The following NEDD4L variants were observed in gnomAD, a reference collection of about 807,000 sequenced individuals.
NEDD4L encodes NEDD4 like E3 ubiquitin protein ligase.
A neutral mutation model predicts 148.9 loss-of-function variants in NEDD4L; 54 were observed. That is an observed-to-expected ratio of 0.36 (90% CI 0.29 to 0.45). NEDD4L has a LOEUF of 0.45. Ranked by LOEUF, NEDD4L falls within the 20% of genes least tolerant of loss-of-function variation. The pLI is 1.00. For synonymous variants in NEDD4L, 433 were observed against 440.7 expected (o/e 0.98, Z 0.22); for missense variants, 856 against 1,233.8 (o/e 0.69, Z 4.59).
chr18:58,047,735 T>C (rs2081652907), intron 1 of NEDD4L, among the ~76,000 whole-genome samples: 1 of 152,160 alleles, frequency 6.6e-6, no homozygotes, highest in African/African-American at 2.4e-5. Context: ...CAAGATCAGA[T>C]TTGGTTTGGA....
intron 30 of NEDD4L, among the ~76,000 whole-genome samples, 186 bp downstream of exon 30, chr18:58,391,745 T>C (rs1014531743): frequency 2.0e-5 from 3 of 152,232 alleles, no homozygotes; most frequent in African/African-American, 7.2e-5. Context: ...GCACTCAGTA[T>C]GTTTGGCACA....
At chr18:58,104,738 G>A (rs2084962565) in intron 1 of NEDD4L, among the ~76,000 whole-genome samples, 1 of 152,084 alleles carries the variant, frequency 6.6e-6, no homozygotes, top group African/African-American at 2.4e-5. Context: ...CAGAACAATT[G>A]CATTTTTTCC....
At chr18:58,149,235 A>G (rs2034418661) in intron 1 of NEDD4L, 2 of 330,672 alleles carry the variant, frequency 6.0e-6, no homozygotes, top group Non-Finnish European at 1.1e-5. Flanking sequence ...CATTTCCTGA[A>G]GAGGTAACTT....
chr18:58,328,992 C>T lies in NEDD4L; in HGVS notation c.681-3C>T, dbSNP rs1307330016. ...TCTCTTTCCCCCTTTCCTGCATGCT[C>T]AGGGACGTGTCCTCGGAGTCGGACA... On this transcript the variant is annotated splice_polypyrimidine_tract_variant and splice_region_variant and intron_variant, in intron 9 of 30. Coordinates refer to ENST00000400345, the MANE Select transcript of NEDD4L (RefSeq NM_001144967.3). The T allele has an allele frequency of 5.6e-6, 9 of 1,613,964 alleles. No homozygotes were observed. Among genetic ancestry groups the T allele is most frequent in the Admixed American group, 1.7e-5 (1 of 60,036 alleles).
At chr18:58,263,103 C>A (rs1027302340) in intron 5 of NEDD4L, among the ~76,000 whole-genome samples, 2 of 152,206 alleles carry the variant, frequency 1.3e-5, no homozygotes, top group African/African-American at 4.8e-5. Flanking sequence ...GCCCTCCTAT[C>A]TCTGATTTGA....
chr18:58,396,496 A>C lies in NEDD4L; in HGVS notation c.*227A>C. On this transcript the variant is annotated 3_prime_UTR_variant, in exon 31 of 31. Coordinates refer to ENST00000400345, the MANE Select transcript of NEDD4L (RefSeq NM_001144967.3). ...TATCAACTGGTTGATGTGTACACTA[A>C]TTACATTTCAGGAGGACTTAATGCT... 2 of 424,502 alleles carry C rather than the reference A, an allele frequency of 4.7e-6. No individual in the cohort carries two copies. The highest frequency in any genetic ancestry group is 6.6e-4 in the Middle Eastern group (1 of 1,504). The allele number at this position is 424,502 out of a possible 1,614,324, so 26.3% of individuals were successfully genotyped here. A position where few individuals can be genotyped will look rare whatever the true frequency, so the allele number is the denominator to read the frequency against.
chr18:58,061,079 T>A (rs1054336947), intron 1 of NEDD4L, among the ~76,000 whole-genome samples: 28 of 152,146 alleles, frequency 1.8e-4, no homozygotes, highest in African/African-American at 6.8e-4. Context: ...CATTTTTGAT[T>A]GTCACAGCTT....
intron 5 of NEDD4L, among the ~76,000 whole-genome samples, chr18:58,289,993 A>G (rs1028080253): frequency 6.6e-6 from 1 of 152,252 alleles, no homozygotes; most frequent in Non-Finnish European, 1.5e-5. Flanking sequence ...CCATGTAGCC[A>G]TGAAAAAATG....
intron 5 of NEDD4L, among the ~76,000 whole-genome samples, chr18:58,257,416 G>GT (rs2048747693): frequency 6.6e-6 from 1 of 151,550 alleles, no homozygotes; most frequent in South Asian, 2.1e-4. Flanking sequence ...TATCCCACAA[G>GT]TGACACTGCT....
At chr18:58,383,761 C>G (rs1402361648) in intron 25 of NEDD4L, among the ~76,000 whole-genome samples, 1 of 152,212 alleles carries the variant, frequency 6.6e-6, no homozygotes, top group Non-Finnish European at 1.5e-5. Context: ...AGGAAGAATT[C>G]AGCATGTGCA....
At chr18:58,209,514 C>T (rs2586983) in intron 2 of NEDD4L, among the ~76,000 whole-genome samples, 32,760 of 83,964 alleles carry the variant, frequency 0.39, 7,550 homozygotes, top group East Asian at 0.62. Flanking sequence ...CAACAACTAG[C>T]CTGTTAGTTC....
intron 1 of NEDD4L, among the ~76,000 whole-genome samples, chr18:58,123,618 A>G (rs1220541808): frequency 6.6e-6 from 1 of 152,198 alleles, no homozygotes; most frequent in Non-Finnish European, 1.5e-5. Flanking sequence ...ATCGGCTGTC[A>G]TCACTCATTG....
chr18:58,225,072 A>C (rs2044203391), intron 2 of NEDD4L, among the ~76,000 whole-genome samples: 1 of 152,166 alleles, frequency 6.6e-6, no homozygotes, highest in Non-Finnish European at 1.5e-5. Flanking sequence ...TGTCTGGAAA[A>C]AAAAGTCACT....
intron 1 of NEDD4L, among the ~76,000 whole-genome samples, chr18:58,095,774 C>T (rs1331436872): frequency 6.6e-6 from 1 of 152,218 alleles, no homozygotes; most frequent in African/African-American, 2.4e-5. Flanking sequence ...TGCCTATATA[C>T]TTAAATTTCT....
intron 1 of NEDD4L, among the ~76,000 whole-genome samples, chr18:58,100,146 G>A (rs900112190): frequency 6.6e-6 from 1 of 152,196 alleles, no homozygotes; most frequent in Non-Finnish European, 1.5e-5. Flanking sequence ...GCCTGCTGCT[G>A]TGGGCTCAGG....
chr18:58,353,712 T>G (rs539171370), intron 18 of NEDD4L, among the ~76,000 whole-genome samples: 108 of 152,326 alleles, frequency 7.1e-4, no homozygotes, highest in African/African-American at 2.5e-3. Context: ...AAGATAACAT[T>G]TAGGAATGTC....
chr18:58,127,426 C>T (rs1180238462), intron 1 of NEDD4L, among the ~76,000 whole-genome samples: 1 of 152,126 alleles, frequency 6.6e-6, no homozygotes, highest in Non-Finnish European at 1.5e-5. Context: ...TCATTTCAGG[C>T]TGGACACGGT....
chr18:58,172,810 G>A (rs997443950), intron 2 of NEDD4L, among the ~76,000 whole-genome samples: 3 of 152,154 alleles, frequency 2.0e-5, no homozygotes, highest in African/African-American at 7.2e-5. Context: ...AGGGAGTGGT[G>A]GGACCTATTA....
intron 13 of NEDD4L, 22 bp downstream of exon 13, chr18:58,335,559 C>T: frequency 6.3e-7 from 1 of 1,586,700 alleles, no homozygotes; most frequent in South Asian, 1.1e-5. Context: ...CTTTATCAGA[C>T]ATCAATAGCA....
Sources: gnomAD v4.1 joint callset for allele counts (sites outside exome capture counted in the v4.1 genomes callset) on GRCh38, gnomAD v4.1.1 for gene constraint, MANE v1.5 for transcripts, NCBI Gene and HGNC (gene_info 2026-07-23, HGNC 2026-07-21) for gene names.